Variants in PIAS2 observed in about 807,000 individuals in gnomAD.
The protein encoded by PIAS2 is E3 SUMO-protein ligase PIAS2.
A neutral mutation model predicts 69.7 loss-of-function variants in PIAS2; 19 were observed. The observed-to-expected ratio is 0.27, with a 90% CI of 0.19 to 0.40. The LOEUF (loss-of-function observed/expected upper bound fraction) is 0.40, where lower values mean the gene tolerates loss of function less well. Among genes scored for constraint, PIAS2 ranks in the 10% least tolerant of loss-of-function variants. The probability of loss-of-function intolerance (pLI) is 1.00; values close to 1 mark genes in which losing one functional copy is unlikely to be tolerated. For missense variants in PIAS2, 624 were observed against 757.0 expected (o/e 0.82, Z 2.06); for synonymous variants, 261 against 263.2 (o/e 0.99, Z 0.08).
chr18:46,918,961 T>G (rs187867579), upstream of PIAS2, among the ~76,000 whole-genome samples: 1 of 151,990 alleles, frequency 6.6e-6, no homozygotes, highest in Admixed American at 6.6e-5. Flanking sequence ...TAGGTATTTG[T>G]GTAATTGTTT....
At chr18:46,826,020 G>A (rs911216653) in intron 11 of PIAS2, among the ~76,000 whole-genome samples, 27 of 152,224 alleles carry the variant, frequency 1.8e-4, no homozygotes, top group African/African-American at 5.8e-4. Flanking sequence ...GAGTTCTTCC[G>A]TGTATTAATG....
At chr18:46,902,242 G>GA (rs34702120) in intron 1 of PIAS2, among the ~76,000 whole-genome samples, 3,268 of 126,220 alleles carry the variant, frequency 0.026, 44 homozygotes, top group African/African-American at 0.044. Flanking sequence ...ACAAAACACT[G>GA]AAAAAAAAAA....
chr18:46,872,383 C>T (rs1013462302), intron 2 of PIAS2, among the ~76,000 whole-genome samples: 3 of 152,158 alleles, frequency 2.0e-5, no homozygotes, highest in Non-Finnish European at 2.9e-5. Flanking sequence ...TCATTCTGAG[C>T]GAAAGCAACA....
rs1450750549 is a variant in PIAS2 at position 46,811,266 on chromosome 18, A to G, written c.*1167T>C. ...GGTAAGATATCATTTTAAAAAAATG[A>G]AAAAAAAAAAAAATCTAATGCTGTC... On this transcript the variant is annotated 3_prime_UTR_variant, in exon 14 of 14. Transcript: ENST00000585916. 1 of 137,626 alleles carries G rather than the reference A, an allele frequency of 7.3e-6. No homozygotes were observed. Among genetic ancestry groups the G allele is most frequent in the Non-Finnish European group, 1.6e-5 (1 of 63,062 alleles). 8.5% of individuals were successfully genotyped at this position (137,626 alleles called of 1,614,324 possible).
chr18:46,815,564 C>T (rs1404469125), intron 12 of PIAS2: 1 of 1,212,210 alleles, frequency 8.2e-7, no homozygotes, highest in East Asian at 3.8e-5. Flanking sequence ...AACTAGCTCC[C>T]AGAGACTCAA....
chr18:46,862,159 C>T (rs1212835231), intron 3 of PIAS2, among the ~76,000 whole-genome samples: 3 of 152,172 alleles, frequency 2.0e-5, no homozygotes, highest in African/African-American at 4.8e-5. Flanking sequence ...GGTGAAACCC[C>T]GTCTCTACTA....
chr18:46,812,408 T>C lies in PIAS2; in HGVS notation c.*25A>G, dbSNP rs768867707. The C allele has an allele frequency of 6.7e-7, 1 of 1,499,852 alleles. No homozygotes were observed. The highest frequency in any genetic ancestry group is 9.2e-7 in the Non-Finnish European group (1 of 1,086,266). The allele number at this position is 1,499,852 out of a possible 1,614,324, so 92.9% of individuals were successfully genotyped here. A position where few individuals can be genotyped will look rare whatever the true frequency, so the allele number is the denominator to read the frequency against. ...AAGAAAAAGCAGTTCTGATGAATGA[T>C]TCCCAGAATCAAGTGAGTCCTCCTT... On this transcript the variant is annotated 3_prime_UTR_variant, in exon 14 of 14. Coordinates refer to ENST00000585916, the MANE Select transcript of PIAS2 (RefSeq NM_004671.5).
At chr18:46,881,045 T>C (rs1035478570) in intron 2 of PIAS2, among the ~76,000 whole-genome samples, 1 of 152,210 alleles carries the variant, frequency 6.6e-6, no homozygotes, top group South Asian at 2.1e-4. Flanking sequence ...TAATCACCAG[T>C]GATGCTTCCT....
At chr18:46,880,418 G>A (rs1568692418) in intron 2 of PIAS2, among the ~76,000 whole-genome samples, 3 of 151,976 alleles carry the variant, frequency 2.0e-5, no homozygotes, top group Non-Finnish European at 4.4e-5. Context: ...CAACTGGGCA[G>A]GGCAAGGTAC....
At chr18:46,879,774 A>G (rs1206585775) in intron 2 of PIAS2, among the ~76,000 whole-genome samples, 1 of 152,240 alleles carries the variant, frequency 6.6e-6, no homozygotes, top group Non-Finnish European at 1.5e-5. Context: ...AACCTTGAGG[A>G]CATTACGTTT....
At chr18:46,880,690 A>G (rs1291867448) in intron 2 of PIAS2, among the ~76,000 whole-genome samples, 2 of 152,252 alleles carry the variant, frequency 1.3e-5, no homozygotes, top group Non-Finnish European at 2.9e-5. Context: ...TAGAAATAAA[A>G]ATACACACAC....
At chr18:46,891,248 G>C in intron 1 of PIAS2, 194 bp from the exon 2 acceptor site, 1 of 682,080 alleles carries the variant, frequency 1.5e-6, no homozygotes, top group East Asian at 2.8e-5. Flanking sequence ...AAGTTACGGT[G>C]TTAATTATAT....
chr18:46,815,030 G>A (rs1025138144), intron 13 of PIAS2, among the ~76,000 whole-genome samples: 1 of 152,148 alleles, frequency 6.6e-6, no homozygotes, highest in African/African-American at 2.4e-5. Context: ...ACCCAGCACT[G>A]CTTCTATTCA....
chr18:46,812,331 A>G lies in PIAS2; in HGVS notation c.*102T>C. ...AGAATCCATCTGACTTTCAATAAAT[A>G]CCAAATTATTAAAAAAAAAAAAAAA... On this transcript the variant is annotated 3_prime_UTR_variant, in exon 14 of 14. Transcript: ENST00000585916. The G allele has an allele frequency of 2.9e-6, 2 of 684,910 alleles. No homozygotes were observed. Among genetic ancestry groups the G allele is most frequent in the Non-Finnish European group, 4.8e-6 (2 of 417,138 alleles). The allele number at this position is 684,910 out of a possible 1,614,324, so 42.4% of individuals were successfully genotyped here. A position where few individuals can be genotyped will look rare whatever the true frequency, so the allele number is the denominator to read the frequency against.
At position 46,806,194 on chromosome 18, in the gene PIAS2, TC is replaced by T. The variant is rs1164632830; in HGVS notation, c.*6238del. 6.6e-6 allele frequency: 1 copy of T among 151,982 alleles called. No individual in the cohort carries two copies. The highest frequency in any genetic ancestry group is 1.5e-5 in the Non-Finnish European group (1 of 68,008). 9.4% of individuals were successfully genotyped at this position (151,982 alleles called of 1,614,324 possible). A position where few individuals can be genotyped will look rare whatever the true frequency, so the allele number is the denominator to read the frequency against. Reference sequence around the variant, plus strand: ...TTACGCAGAGAGCTTTTGGGGTAAGTCTAGGTCAGACTCCCAAGTCCACTAC... The same window carrying T: ...TTACGCAGAGAGCTTTTGGGGTAAGTTAGGTCAGACTCCCAAGTCCACTAC... On this transcript the variant is annotated 3_prime_UTR_variant, in exon 14 of 14. Coordinates refer to ENST00000585916, the MANE Select transcript of PIAS2 (RefSeq NM_004671.5).
At chr18:46,905,725 G>C (rs1291214529) in intron 1 of PIAS2, 1 of 152,092 alleles carries the variant, frequency 6.6e-6, no homozygotes, top group Non-Finnish European at 1.5e-5. Flanking sequence ...ATAAAAGTAT[G>C]AACTACTAAA....
At chr18:46,816,550 T>C (rs1355644775) in intron 12 of PIAS2, 2 of 587,226 alleles carry the variant, frequency 3.4e-6, no homozygotes, top group Non-Finnish European at 4.3e-6. Flanking sequence ...CAATCATAGG[T>C]AACTGTAGCC....
chr18:46,904,291 A>C (rs2056291492), intron 1 of PIAS2: 1 of 152,222 alleles, frequency 6.6e-6, no homozygotes. Flanking sequence ...TCTTCATTAA[A>C]AGTTTAATTA....
chr18:46,832,503 C>T (rs146010470), intron 9 of PIAS2, among the ~76,000 whole-genome samples: 16 of 152,086 alleles, frequency 1.1e-4, no homozygotes, highest in South Asian at 2.1e-4. Context: ...AGAATAAATA[C>T]GCAAAAAGAT....
Sources: gnomAD v4.1 joint callset for allele counts (sites outside exome capture counted in the v4.1 genomes callset) on GRCh38, gnomAD v4.1.1 for gene constraint, MANE v1.5 for transcripts, NCBI Gene and HGNC (gene_info 2026-07-23, HGNC 2026-07-21) for gene names.